IL6ST: variants seen among roughly 807,000 people sequenced by gnomAD.
IL6ST encodes interleukin-6 receptor subunit beta.
A neutral mutation model predicts 91.3 loss-of-function variants in IL6ST; 24 were observed. The ratio of observed to expected loss-of-function variants is 0.26; its 90% CI spans 0.19 to 0.37. IL6ST has a LOEUF of 0.37. IL6ST is among the 10% of genes least tolerant of loss of function. IL6ST has a pLI of 1.00. For missense variants in IL6ST, 914 were observed against 1,078.5 expected (o/e 0.85, Z 2.14); for synonymous variants, 351 against 373.6 (o/e 0.94, Z 0.70).
chr5:55,954,433 C>CT (rs1751834011), intron 11 of IL6ST, among the ~76,000 whole-genome samples: 1 of 152,198 alleles, frequency 6.6e-6, no homozygotes, highest in African/African-American at 2.4e-5. Flanking sequence ...GGTTCTAAGA[C>CT]ATTACACAAG....
At chr5:55,979,538 C>T (rs755724355) in intron 2 of IL6ST, among the ~76,000 whole-genome samples, 2 of 152,078 alleles carry the variant, frequency 1.3e-5, no homozygotes, top group Non-Finnish European at 2.9e-5. Flanking sequence ...AATATAAAAA[C>T]CCAAAAAGTA....
intron 2 of IL6ST, among the ~76,000 whole-genome samples, chr5:55,977,263 CT>C (rs201187036): frequency 0.07 from 10,231 of 146,400 alleles, 874 homozygotes; most frequent in African/African-American, 0.21. Context: ...ACAGGAAATT[CT>C]TTTTTTTTTT....
At chr5:55,958,584 T>G (rs1471314171) in intron 8 of IL6ST, among the ~76,000 whole-genome samples, 8 of 152,118 alleles carry the variant, frequency 5.3e-5, no homozygotes, top group Non-Finnish European at 1.2e-4. Flanking sequence ...GTGCCTGCGA[T>G]CCCAGCACTT....
At chr5:55,952,753 A>G (rs951039612) in intron 11 of IL6ST, among the ~76,000 whole-genome samples, 1 of 152,162 alleles carries the variant, frequency 6.6e-6, no homozygotes, top group South Asian at 2.1e-4. Context: ...GCGAGTTGGA[A>G]AAAAGGGTAT....
intron 2 of IL6ST, chr5:55,978,437 AG>A (rs1170543524): frequency 2.0e-5 from 3 of 152,358 alleles, no homozygotes; most frequent in African/African-American, 7.2e-5. Flanking sequence ...ATTCTTTAAA[AG>A]GTAAGTTGGC....
chr5:55,941,275 T>G lies in IL6ST; in HGVS notation c.2564A>C (p.His855Pro), dbSNP rs568236223. The change falls in exon 17 of 17, where the codon CAT becomes CCT. Residue 855 changes from histidine to proline, a missense_variant. Transcript: ENST00000381298. ...FVRLKQQISD[H>P]ISQSCGSGQM... ...CCCAGATCCACAGGATTGTGAAATA[T>G]GATCTGAAATCTGCTGTTTAAGTCT... 72 of 1,614,138 alleles carry G rather than the reference T, an allele frequency of 4.5e-5. No individual in the cohort carries two copies. The East Asian group carries it at 1.2e-3, about 26-fold the overall frequency.
At chr5:55,982,948 GAATAA>G (rs1753745898) in intron 1 of IL6ST, 137 bp from the exon 2 acceptor site, 1 of 335,692 alleles carries the variant, frequency 3.0e-6, no homozygotes, top group Non-Finnish European at 5.3e-6. Context: ...CTGAGCTTCA[GAATAA>G]AATAAACCCA....
At position 55,937,165 on chromosome 5, in the gene IL6ST, A is replaced by T. The variant is rs1311651010; in HGVS notation, c.*3917T>A. Reference sequence around the variant, plus strand: ...ATTCAGACAAAGCCTGTGTTCAAGAAATAAAAAAAACATCTATCACTATCG... The same window carrying T: ...ATTCAGACAAAGCCTGTGTTCAAGATATAAAAAAAACATCTATCACTATCG... On this transcript the variant is annotated 3_prime_UTR_variant, in exon 17 of 17. Coordinates refer to ENST00000381298, the MANE Select transcript of IL6ST (RefSeq NM_002184.4). 4.7e-6 allele frequency: 1 copy of T among 211,514 alleles called. No homozygotes were observed. The highest frequency in any genetic ancestry group is 9.5e-6 in the Non-Finnish European group (1 of 104,854). 13.1% of individuals were successfully genotyped at this position (211,514 alleles called of 1,614,324 possible). A position where few individuals can be genotyped will look rare whatever the true frequency, so the allele number is the denominator to read the frequency against.
intron 14 of IL6ST, among the ~76,000 whole-genome samples, chr5:55,950,432 A>G (rs778687403): frequency 5.6e-5 from 8 of 143,676 alleles, no homozygotes; most frequent in African/African-American, 7.7e-5. Context: ...GCTACGTGGG[A>G]GGCTGAGGTA....
At chr5:55,987,806 G>C (rs968330134) in intron 1 of IL6ST, among the ~76,000 whole-genome samples, 1 of 152,160 alleles carries the variant, frequency 6.6e-6, no homozygotes, top group African/African-American at 2.4e-5. Flanking sequence ...TATTAGTGCA[G>C]CTCTTGCTGT....
In IL6ST at chr5:55,945,648, C is replaced by CTTTT. The variant is rs70995749; in HGVS notation, c.1937+1841_1937+1844dup. On this transcript the variant is annotated intron_variant, in intron 15 of 16. Transcript: ENST00000381298. ...ACTTCATCAAAATAAAAAACTTATGCTTTTTTTTTTTTTTTTTTTTTTTTT... is the reference window on the plus strand; with the variant it reads ...ACTTCATCAAAATAAAAAACTTATGCTTTTTTTTTTTTTTTTTTTTTTTTTTTTT... Among the ~76,000 whole-genome samples, 284 of 41,674 alleles carry CTTTT rather than the reference C, an allele frequency of 6.8e-3. 99 individuals are homozygous for CTTTT. The highest frequency in any genetic ancestry group is 0.02 in the South Asian group (15 of 742). The allele number at this position is 41,674 out of a possible 152,430, so 27.3% of individuals were successfully genotyped here.
chr5:55,986,846 C>T (rs1423236504), intron 1 of IL6ST, among the ~76,000 whole-genome samples: 1 of 152,110 alleles, frequency 6.6e-6, no homozygotes, highest in Admixed American at 6.5e-5. Context: ...GACCTTTGTG[C>T]TATTTTAGCA....
chr5:55,956,015 A>G lies in IL6ST; in HGVS notation c.1267+10T>C. On this transcript the variant is annotated intron_variant, in intron 10 of 16. Coordinates refer to ENST00000381298, the MANE Select transcript of IL6ST (RefSeq NM_002184.4). ...ACCCAAGAGTCAGGCTCCATCTCACAGATACAAACCTTGAAAGTCACAGGC... is the reference window on the plus strand; with the variant it reads ...ACCCAAGAGTCAGGCTCCATCTCACGGATACAAACCTTGAAAGTCACAGGC... The G allele has an allele frequency of 6.3e-7, 1 of 1,598,112 alleles. No individual in the cohort carries two copies. Among genetic ancestry groups the G allele is most frequent in the South Asian group, 1.1e-5 (1 of 90,734 alleles).
At chr5:55,994,235 G>A (rs749062828) in intron 1 of IL6ST, 1 of 151,840 alleles carries the variant, frequency 6.6e-6, no homozygotes, top group Non-Finnish European at 1.5e-5. Flanking sequence ...TTCTCCTTGG[G>A]ATACAGTGAG....
intron 1 of IL6ST, among the ~76,000 whole-genome samples, chr5:55,984,378 T>C (rs969507492): frequency 6.6e-5 from 10 of 152,200 alleles, no homozygotes; most frequent in East Asian, 5.8e-4. Flanking sequence ...TGTTACTCTA[T>C]GGGCAGATTT....
Position 55,964,238 on chromosome 5 carries a change from A to G in IL6ST, c.566T>C (p.Val189Ala), listed in dbSNP as rs1424492064. Residue 189 changes from valine to alanine, a missense_variant, in exon 6 of 17, where the codon GTG (valine) becomes GCG (alanine). Physicochemically the swap from Val to Ala is moderately conservative, Grantham distance 64. Coordinates refer to ENST00000381298, the MANE Select transcript of IL6ST (RefSeq NM_002184.4). The part of the protein sequence containing the change: ...PTSCTVDYST[V>A]YFVNIEVWVE... ...CCAGACTTCAATGTTGACAAAATACACAGTAGAATAATCAACAGTGCATGA... is the reference window on the plus strand; with the variant it reads ...CCAGACTTCAATGTTGACAAAATACGCAGTAGAATAATCAACAGTGCATGA... The G allele has an allele frequency of 3.1e-6, 5 of 1,610,754 alleles. No individual in the cohort carries two copies. Among genetic ancestry groups the G allele is most frequent in the Non-Finnish European group, 4.2e-6 (5 of 1,177,576 alleles).
At position 55,947,592 on chromosome 5, in the gene IL6ST, TA is replaced by T. The variant is rs71602925; in HGVS notation, c.1841-4del. ...TATGGCTTCAATTTCTCCTTGAGCTTAAAAAAAAAAAAAAAAAAAAAAAAAG... is the reference window on the plus strand; with the variant it reads ...TATGGCTTCAATTTCTCCTTGAGCTTAAAAAAAAAAAAAAAAAAAAAAAAG... On this transcript the variant is annotated splice_polypyrimidine_tract_variant and splice_region_variant and intron_variant, in intron 14 of 16. Transcript: ENST00000381298. 0.11 allele frequency: 44,105 copies of T among 385,050 alleles called. 4 individuals carry two copies. Among genetic ancestry groups the T allele is most frequent in the East Asian group, 0.15 (3,671 of 23,952 alleles). The allele number at this position is 385,050 out of a possible 1,614,324, so 23.9% of individuals were successfully genotyped here.
intron 3 of IL6ST, among the ~76,000 whole-genome samples, chr5:55,973,983 T>TA (rs1753116936): frequency 1.3e-5 from 2 of 152,170 alleles, no homozygotes; most frequent in Admixed American, 1.3e-4. Context: ...ATATATCCTA[T>TA]TTAGGTAATA....
At chr5:55,987,871 G>A (rs1754064203) in intron 1 of IL6ST, among the ~76,000 whole-genome samples, 1 of 152,156 alleles carries the variant, frequency 6.6e-6, no homozygotes, top group African/African-American at 2.4e-5. Context: ...GGTGGCTTAC[G>A]CCTGTAATCC....
Sources: allele counts gnomAD v4.1 joint callset (sites outside exome capture counted in the v4.1 genomes callset), GRCh38; gene constraint gnomAD v4.1.1; transcripts MANE v1.5; gene names NCBI Gene and HGNC (gene_info 2026-07-23, HGNC 2026-07-21).